The following SLC2A9 variants were observed in gnomAD, a reference collection of about 807,000 sequenced individuals.
SLC2A9 encodes solute carrier family 2, facilitated glucose transporter member 9.
In SLC2A9, 39 loss-of-function variants were observed where a neutral mutation model predicts 50.6. The ratio of observed to expected loss-of-function variants is 0.77; its 90% CI spans 0.60 to 1.01. The LOEUF is 1.01. Ranked by LOEUF, SLC2A9 falls within the 50% of genes least tolerant of loss-of-function variation. SLC2A9 has a pLI of 0.00. For synonymous variants in SLC2A9, 324 were observed against 276.9 expected, an observed-to-expected ratio of 1.17 and a Z score of -1.69; for missense variants, 686 against 677.6, an observed-to-expected ratio of 1.01 and a Z score of -0.14.
chr4:9,895,367 C>G (rs1416056785), intron 8 of SLC2A9, among the ~76,000 whole-genome samples: 1 of 152,246 alleles, frequency 6.6e-6, no homozygotes, highest in Non-Finnish European at 1.5e-5. Context: ...TTCTTCTTCC[C>G]TCCCTCCTTT....
intron 5 of SLC2A9, among the ~76,000 whole-genome samples, chr4:9,944,868 G>A (rs1255526674): frequency 6.6e-6 from 1 of 152,182 alleles, no homozygotes; most frequent in Middle Eastern, 3.2e-3. Context: ...GGGTGTGTGG[G>A]TAGGGTGTGT....
At chr4:9,903,212 G>A (rs941183152) in intron 8 of SLC2A9, among the ~76,000 whole-genome samples, 12 of 151,724 alleles carry the variant, frequency 7.9e-5, no homozygotes, top group East Asian at 3.9e-4. Flanking sequence ...TGAAATTGTC[G>A]AATTTATTGG....
At chr4:9,954,257 C>A (rs1750811571) in intron 5 of SLC2A9, among the ~76,000 whole-genome samples, 1 of 152,266 alleles carries the variant, frequency 6.6e-6, no homozygotes, top group South Asian at 2.1e-4. Context: ...TTCTTAGTAA[C>A]ACTCACTCAA....
At chr4:10,012,699 G>A (rs914438614) in intron 2 of SLC2A9, among the ~76,000 whole-genome samples, 1 of 152,156 alleles carries the variant, frequency 6.6e-6, no homozygotes, top group Admixed American at 6.5e-5. Flanking sequence ...ATCAAGGGAA[G>A]AGCACTGCAG....
At chr4:10,025,312 T>A (rs184027789), upstream of SLC2A9, among the ~76,000 whole-genome samples, 21 of 152,276 alleles carry the variant, frequency 1.4e-4, no homozygotes, top group East Asian at 3.5e-3. Context: ...CCTCAGTTCA[T>A]CGCCTGTAAA....
intron 10 of SLC2A9, among the ~76,000 whole-genome samples, chr4:9,839,335 C>T (rs1174592268): frequency 6.6e-6 from 1 of 152,030 alleles, no homozygotes. Flanking sequence ...AAAAAAATAA[C>T]AGATACTGGC....
chr4:9,897,781 A>G (rs556874196), intron 8 of SLC2A9, among the ~76,000 whole-genome samples: 1 of 152,198 alleles, frequency 6.6e-6, no homozygotes, highest in South Asian at 2.1e-4. Context: ...TCGCAGCTAC[A>G]CGGGAGGCTG....
chr4:9,786,445 GT>G (rs1336406028), intron 3 of SLC2A9, among the ~76,000 whole-genome samples: 1 of 152,162 alleles, frequency 6.6e-6, no homozygotes, highest in Non-Finnish European at 1.5e-5. Flanking sequence ...AGGACATTCA[GT>G]TTTTTGTTCA....
At chr4:10,027,868 TA>T (rs1763805953) in intron 1 of SLC2A9, among the ~76,000 whole-genome samples, 1 of 152,198 alleles carries the variant, frequency 6.6e-6, no homozygotes. Flanking sequence ...TCTCCTCTTG[TA>T]GGTATTTTGA....
At chr4:9,878,133 AAC>A (rs1288116397) in intron 10 of SLC2A9, among the ~76,000 whole-genome samples, 3 of 151,450 alleles carry the variant, frequency 2.0e-5, no homozygotes, top group Admixed American at 6.6e-5. Context: ...ACTGTGGCAT[AAC>A]ACACACACAC....
chr4:9,833,968 T>C (rs1408482812), intron 11 of SLC2A9, among the ~76,000 whole-genome samples: 1 of 152,198 alleles, frequency 6.6e-6, no homozygotes, highest in Admixed American at 6.5e-5. Flanking sequence ...CCTTTTGTGT[T>C]CCTGCTCCCA....
intron 5 of SLC2A9, among the ~76,000 whole-genome samples, chr4:9,952,459 T>C (rs1750475644): frequency 6.6e-6 from 1 of 152,110 alleles, no homozygotes; most frequent in Non-Finnish European, 1.5e-5. Context: ...GCCAGTGCCA[T>C]GCATGTACAG....
intron 2 of SLC2A9, among the ~76,000 whole-genome samples, chr4:10,006,210 G>C (rs1441157332): frequency 6.6e-6 from 1 of 152,180 alleles, no homozygotes; most frequent in Admixed American, 6.5e-5. Flanking sequence ...TCCCAGCCAA[G>C]ACTGGCTTAG....
chr4:9,917,529 C>A (rs1743107648), intron 7 of SLC2A9, among the ~76,000 whole-genome samples: 1 of 151,808 alleles, frequency 6.6e-6, no homozygotes, highest in Non-Finnish European at 1.5e-5. Flanking sequence ...TGGGGTTTCA[C>A]CATGTTGGCC....
intron 3 of SLC2A9, among the ~76,000 whole-genome samples, chr4:9,813,382 G>C (rs1307533300): frequency 6.6e-6 from 1 of 152,118 alleles, no homozygotes; most frequent in African/African-American, 2.4e-5. Flanking sequence ...CCTTGGTCTT[G>C]TATTTCTTTT....
intron 8 of SLC2A9, among the ~76,000 whole-genome samples, chr4:9,901,031 C>A (rs1739513067): frequency 6.6e-6 from 1 of 152,230 alleles, no homozygotes; most frequent in Admixed American, 6.5e-5. Context: ...GCTTCCTGCT[C>A]AGGCAATGGT....
At chr4:9,796,981 G>A (rs1720668664), downstream of SLC2A9, among the ~76,000 whole-genome samples, 1 of 152,080 alleles carries the variant, frequency 6.6e-6, no homozygotes, top group Non-Finnish European at 1.5e-5. Flanking sequence ...TGGAAAGGAG[G>A]GAAAACGGAT....
upstream of SLC2A9, among the ~76,000 whole-genome samples, chr4:10,023,009 T>C (rs981461869): frequency 2.0e-5 from 3 of 152,238 alleles, no homozygotes; most frequent in South Asian, 2.1e-4. Flanking sequence ...GGTTTCCTCA[T>C]TGAGTGGTGG....
rs185669299 is a variant in SLC2A9, at chr4:9,898,929, G to A, written c.1114-8218C>T. Among the ~76,000 whole-genome samples, 17 of 146,314 alleles carry A rather than the reference G, an allele frequency of 1.2e-4. No homozygotes were observed. The East Asian group carries it at 3.1e-3, about 27-fold the overall frequency. On this transcript the variant is annotated intron_variant, in intron 8 of 11. Transcript: ENST00000264784. ...TGAGCAACCATTAATGGTATTGAAT[G>A]CATGACAACTACTATGGCCATTTCT...
Sources: gnomAD v4.1 joint callset for allele counts (sites outside exome capture counted in the v4.1 genomes callset) on GRCh38, gnomAD v4.1.1 for gene constraint, MANE v1.5 for transcripts, NCBI Gene and HGNC (gene_info 2026-07-23, HGNC 2026-07-21) for gene names.